DPYD: variants seen among roughly 807,000 people sequenced by gnomAD.
DPYD encodes the protein dihydropyrimidine dehydrogenase.
A neutral mutation model predicts 116.2 loss-of-function variants in DPYD; 109 were observed. The ratio of observed to expected loss-of-function variants is 0.94; its 90% CI spans 0.80 to 1.10. The LOEUF is 1.10. Ranked by LOEUF, DPYD falls within the 50% of genes least tolerant of loss-of-function variation. DPYD has a pLI of 0.00. For missense variants in DPYD, 1,302 were observed against 1,254.5 expected, an observed-to-expected ratio of 1.04 and a Z score of -0.57; for synonymous variants, 440 against 432.0, an observed-to-expected ratio of 1.02 and a Z score of -0.23.
chr1:97,901,339 C>T (rs1370734252), intron 1 of DPYD, among the ~76,000 whole-genome samples: 2 of 151,714 alleles, frequency 1.3e-5, no homozygotes, highest in Non-Finnish European at 2.9e-5. Context: ...ATCAATTTTG[C>T]GCTGGTGCAG....
chr1:97,145,269 C>A (rs1304942876), intron 20 of DPYD, among the ~76,000 whole-genome samples: 1 of 151,760 alleles, frequency 6.6e-6, no homozygotes, highest in Non-Finnish European at 1.5e-5. Context: ...AATAATAGAC[C>A]AAAGGTTTTG....
chr1:97,803,971 A>C (rs2101348362), intron 3 of DPYD, among the ~76,000 whole-genome samples: 1 of 151,966 alleles, frequency 6.6e-6, no homozygotes, highest in South Asian at 2.1e-4. Context: ...CTTTGAAAAT[A>C]TTTTGTCACT....
intron 5 of DPYD, among the ~76,000 whole-genome samples, chr1:97,702,606 G>A (rs1045636926): frequency 1.2e-4 from 18 of 151,832 alleles, no homozygotes; most frequent in Middle Eastern, 6.8e-3. Flanking sequence ...ATGTACTAAG[G>A]CTACAGCATT....
chr1:97,310,474 A>G (rs1667442532), intron 16 of DPYD, among the ~76,000 whole-genome samples: 2 of 151,860 alleles, frequency 1.3e-5, no homozygotes, highest in African/African-American at 4.8e-5. Flanking sequence ...TAGCTGCAAC[A>G]TAATGAGCAA....
intron 3 of DPYD, among the ~76,000 whole-genome samples, chr1:97,784,308 C>T (rs1393046036): frequency 6.6e-6 from 1 of 151,740 alleles, no homozygotes; most frequent in Admixed American, 6.6e-5. Context: ...TAAATAAAAC[C>T]AATTTCTCAG....
At position 97,914,267 on chromosome 1, in the gene DPYD, G is replaced by A. The variant is rs11165927; in HGVS notation, c.39+6617C>T. On this transcript the variant is annotated intron_variant, in intron 1 of 22. Transcript: ENST00000370192. ...GTTATCTCCAACCAACTGTTTCCTA[G>A]GAGCTAAAAGAGTTATTCATAAGCA... is the stretch of plus-strand genomic sequence containing the variant. 6.1e-3 allele frequency among the ~76,000 whole-genome samples: 935 copies of A among 152,182 alleles called. 8 individuals are homozygous for A. The highest frequency in any genetic ancestry group is 0.021 in the African/African-American group (885 of 41,522).
At chr1:97,185,774 T>C (rs1312813961) in intron 20 of DPYD, among the ~76,000 whole-genome samples, 4 of 152,116 alleles carry the variant, frequency 2.6e-5, no homozygotes, top group African/African-American at 9.7e-5. Flanking sequence ...CAAACTAATC[T>C]ATGGTGGCAG....
At chr1:97,079,508 T>C (rs908501908) in intron 22 of DPYD, among the ~76,000 whole-genome samples, 3 of 152,092 alleles carry the variant, frequency 2.0e-5, no homozygotes, top group Non-Finnish European at 2.9e-5. Flanking sequence ...TGGGGGACTT[T>C]CACACGTCCT....
chr1:97,339,924 G>A (rs1356866608), intron 16 of DPYD, among the ~76,000 whole-genome samples: 2 of 152,126 alleles, frequency 1.3e-5, no homozygotes, highest in Non-Finnish European at 2.9e-5. Context: ...GAGTTTAAAA[G>A]TCTCTAAAAA....
rs1651156104 is a variant in DPYD, at chr1:97,549,548, G to T, written c.1524+12C>A. ...GGAAAAGAATTAAGTGGAAATGATG[G>T]CAAATGCCTACCTGTACGTATTTGT... On this transcript the variant is annotated intron_variant, in intron 12 of 22. Coordinates refer to ENST00000370192, the MANE Select transcript of DPYD (RefSeq NM_000110.4). 1.2e-6 allele frequency: 2 copies of T among 1,613,354 alleles called. No homozygotes were observed.
At chr1:97,264,813 C>T (rs1664128897) in intron 18 of DPYD, among the ~76,000 whole-genome samples, 1 of 151,960 alleles carries the variant, frequency 6.6e-6, no homozygotes, top group Non-Finnish European at 1.5e-5. Context: ...AACCTTTTTG[C>T]TGTCTTTATC....
intron 6 of DPYD, 118 bp from the exon 7 acceptor site, chr1:97,691,916 G>A (rs1661029609): frequency 1.3e-6 from 1 of 773,800 alleles, no homozygotes; most frequent in Non-Finnish European, 2.2e-6. Flanking sequence ...TCTCTTCCAA[G>A]GATATTTATA....
intron 16 of DPYD, among the ~76,000 whole-genome samples, chr1:97,316,513 C>CAATAAAATAAAATAA (rs57832711): frequency 0.044 from 5,499 of 124,282 alleles, 210 homozygotes; most frequent in Admixed American, 0.083. Flanking sequence ...GACTCTGTCT[C>CAATAAAATAAAATAA]AATAAAATAA....
At chr1:97,555,488 C>A (rs1385324325) in intron 11 of DPYD, among the ~76,000 whole-genome samples, 5 of 152,170 alleles carry the variant, frequency 3.3e-5, no homozygotes, top group Non-Finnish European at 4.4e-5. Context: ...TGGGCCTTCC[C>A]ACCTCATGAT....
At chr1:97,494,029 T>G (rs1172654306) in intron 13 of DPYD, among the ~76,000 whole-genome samples, 1 of 152,138 alleles carries the variant, frequency 6.6e-6, no homozygotes, top group Non-Finnish European at 1.5e-5. Flanking sequence ...CAGTGGAGAT[T>G]ATGACATCTA....
intron 2 of DPYD, among the ~76,000 whole-genome samples, chr1:97,880,066 A>G (rs1272313950): frequency 6.6e-6 from 1 of 151,808 alleles, no homozygotes; most frequent in Non-Finnish European, 1.5e-5. Flanking sequence ...ATATCAATAT[A>G]TAGATAGAGA....
intron 12 of DPYD, among the ~76,000 whole-genome samples, chr1:97,533,147 C>T (rs981219034): frequency 1.3e-5 from 2 of 151,900 alleles, no homozygotes; most frequent in East Asian, 1.9e-4. Context: ...AATCACCCCC[C>T]ACCATGCCGC....
At chr1:97,546,486 T>C in intron 12 of DPYD, 3 of 1,603,984 alleles carry the variant, frequency 1.9e-6, no homozygotes, top group South Asian at 1.1e-5. Context: ...GAGAGCAAGA[T>C]GAAAAACAAA....
At chr1:97,514,806 T>A (rs552946996) in intron 13 of DPYD, among the ~76,000 whole-genome samples, 2 of 151,888 alleles carry the variant, frequency 1.3e-5, no homozygotes, top group Non-Finnish European at 2.9e-5. Flanking sequence ...ACAGCCTTAA[T>A]GTTTTAGCCA....
Sources: allele counts gnomAD v4.1 joint callset (sites outside exome capture counted in the v4.1 genomes callset), GRCh38; gene constraint gnomAD v4.1.1; transcripts MANE v1.5; gene names NCBI Gene and HGNC (gene_info 2026-07-23, HGNC 2026-07-21).